The following NEMF variants were observed in gnomAD, a reference collection of about 807,000 sequenced individuals.
NEMF encodes ribosome quality control complex subunit NEMF.
A neutral mutation model predicts 162.2 loss-of-function variants in NEMF; 89 were observed. That is an observed-to-expected ratio of 0.55 (90% CI 0.46 to 0.65). The LOEUF (loss-of-function observed/expected upper bound fraction) is 0.65, where lower values mean the gene tolerates loss of function less well. Among genes scored for constraint, NEMF ranks in the 30% least tolerant of loss-of-function variants. NEMF has a pLI of 0.00. For missense variants in NEMF, 1,133 were observed against 1,261.9 expected (o/e 0.90, Z 1.55); for synonymous variants, 421 against 404.5 (o/e 1.04, Z -0.49).
At chr14:49,803,359 TGAG>T (rs1891040148) in intron 19 of NEMF, 65 bp from the exon 20 acceptor site, 1 of 1,173,164 alleles carries the variant, frequency 8.5e-7, no homozygotes, top group South Asian at 1.4e-5. Context: ...TTTTTCCACT[TGAG>T]GAGAAAGTAA....
chr14:49,813,482 T>C (rs143428066), intron 18 of NEMF, among the ~76,000 whole-genome samples: 17 of 152,324 alleles, frequency 1.1e-4, no homozygotes, highest in African/African-American at 4.1e-4. Flanking sequence ...ATTCTATCTA[T>C]GACTGAAAGT....
intron 25 of NEMF, among the ~76,000 whole-genome samples, chr14:49,796,501 G>A (rs1296840046): frequency 2.0e-5 from 3 of 151,428 alleles, no homozygotes; most frequent in Non-Finnish European, 4.4e-5. Flanking sequence ...CGGAGTTTGT[G>A]CCACCACACC....
rs1488530029 is a variant in NEMF, at chr14:49,840,710, C to T, written c.506+8G>A. ...ATACGAAATGGGTTTAAAAACAAAA[C>T]ACTTTACCTTTCCAAAGTAAGCAAA... On this transcript the variant is annotated splice_region_variant and intron_variant, in intron 5 of 32. Coordinates refer to ENST00000298310, the MANE Select transcript of NEMF (RefSeq NM_004713.6). The T allele has an allele frequency of 6.2e-7, 1 of 1,608,442 alleles. No individual in the cohort carries two copies.
chr14:49,841,896 C>T (rs564652852), intron 4 of NEMF, among the ~76,000 whole-genome samples: 2 of 151,848 alleles, frequency 1.3e-5, no homozygotes, highest in East Asian at 3.9e-4. Flanking sequence ...ACCTGAGGTC[C>T]GGAGTTCAAG....
chr14:49,809,173 T>C (rs554214266), intron 18 of NEMF, among the ~76,000 whole-genome samples: 2 of 152,312 alleles, frequency 1.3e-5, no homozygotes, highest in South Asian at 4.1e-4. Flanking sequence ...ATATTGATGT[T>C]TGGTATTTAC....
Position 49,784,898 on chromosome 14 carries a change from C to T in NEMF, c.3153+27G>A, listed in dbSNP as rs541068349. 1.1e-5 allele frequency: 17 copies of T among 1,585,364 alleles called. No homozygotes were observed. The South Asian group carries it at 1.9e-4, about 18-fold the overall frequency. ...TTTTAAATTGTACTGTCAGTCTCCA[C>T]ATTCCTTTTCTGAAGGAGAACTTTA... On this transcript the variant is annotated intron_variant, in intron 32 of 32. Transcript: ENST00000298310.
Position 49,782,273 on chromosome 14 carries a change from AAGAT to A in NEMF, c.*2359_*2362del. On this transcript the variant is annotated 3_prime_UTR_variant, in exon 33 of 33. Transcript: ENST00000298310. ...ATGATGTTTTGGTCTGAACTACCTT[AAGAT>A]CGCTAGTCTTTATTTCATAGCTCTA... The A allele has an allele frequency of 1.3e-6, 1 of 748,962 alleles. No homozygotes were observed. Among genetic ancestry groups the A allele is most frequent in the Non-Finnish European group, 2.2e-6 (1 of 449,686 alleles). 46.4% of individuals were successfully genotyped at this position (748,962 alleles called of 1,614,324 possible).
At chr14:49,836,930 A>G (rs982914924) in intron 6 of NEMF, among the ~76,000 whole-genome samples, 2 of 152,216 alleles carry the variant, frequency 1.3e-5, no homozygotes, top group African/African-American at 4.8e-5. Flanking sequence ...GCTGTCACAT[A>G]AGGTCAGTGT....
chr14:49,834,074 G>A (rs1892775548), intron 7 of NEMF: 1 of 476,958 alleles, frequency 2.1e-6, no homozygotes, highest in Non-Finnish European at 4.0e-6. Flanking sequence ...TTTTTTTTTT[G>A]AGAGTGGTGA....
At chr14:49,791,782 C>T (rs1890465302) in intron 26 of NEMF, among the ~76,000 whole-genome samples, 1 of 150,522 alleles carries the variant, frequency 6.6e-6, no homozygotes, top group Admixed American at 6.6e-5. Context: ...AAGATTTGTG[C>T]ATTTTACTAC....
At chr14:49,840,519 G>A (rs1333177186) in intron 5 of NEMF, among the ~76,000 whole-genome samples, 199 bp downstream of exon 5, 1 of 150,658 alleles carries the variant, frequency 6.6e-6, no homozygotes, top group Non-Finnish European at 1.5e-5. Context: ...AGACTTAATT[G>A]CTTACATGCA....
chr14:49,797,414 G>A (rs1890739807), intron 25 of NEMF: 1 of 151,428 alleles, frequency 6.6e-6, no homozygotes, highest in African/African-American at 2.4e-5. Context: ...GGTGGATCGC[G>A]AGGTCAGAAG....
chr14:49,785,084 T>A lies in NEMF; in HGVS notation c.3073+8A>T. 1 of 1,606,826 alleles carries A rather than the reference T, an allele frequency of 6.2e-7. No individual in the cohort carries two copies. The highest frequency in any genetic ancestry group is 2.2e-5 in the East Asian group (1 of 44,818). On this transcript the variant is annotated splice_region_variant and intron_variant, in intron 31 of 32. Transcript: ENST00000298310. ...AAAATCATAATTCAAAAAAACAAATTTAAATACCTTTTCCCTTTTTCTGCA... is the reference window on the plus strand; with the variant it reads ...AAAATCATAATTCAAAAAAACAAATATAAATACCTTTTCCCTTTTTCTGCA...
chr14:49,799,486 G>A lies in NEMF; in HGVS notation c.2454C>T (p.Ala818=), dbSNP rs149686149. The A allele has an allele frequency of 4.2e-5, 68 of 1,608,908 alleles. No homozygotes were observed. In the Middle Eastern group the frequency reaches 6.7e-4, roughly 16 times the overall value. Residue 818 remains alanine (A), a synonymous_variant, in exon 25 of 33, where the codon GCC becomes GCT. Coordinates refer to ENST00000298310, the MANE Select transcript of NEMF (RefSeq NM_004713.6). The part of the protein sequence containing the change: ...SKSQSRRHLS[A]KERREMKKKK... The stretch of plus-strand genomic sequence containing the variant: ...ACAGATGTGTTTACCTTCTTTCCTT[G>A]GCTGACAAATGTCTCCGGCTCTGTG...
intron 5 of NEMF, chr14:49,839,453 G>A (rs1341276440): frequency 6.6e-6 from 1 of 152,210 alleles, no homozygotes; most frequent in African/African-American, 2.4e-5. Flanking sequence ...AAGAAATGAT[G>A]TATGTTAAAC....
At chr14:49,785,743 C>A in intron 29 of NEMF, 1 of 180,412 alleles carries the variant, frequency 5.5e-6, no homozygotes, top group East Asian at 1.4e-4. Context: ...TAAAAGTTAG[C>A]TGGGTATAGT....
chr14:49,821,657 G>A (rs1451588429), intron 16 of NEMF, among the ~76,000 whole-genome samples: 20 of 119,352 alleles, frequency 1.7e-4, no homozygotes, highest in Admixed American at 2.4e-4. Context: ...CCCCCCGCCC[G>A]GCCAGCCGCC....
intron 4 of NEMF, among the ~76,000 whole-genome samples, chr14:49,845,360 C>T (rs777588887): frequency 8.6e-5 from 13 of 151,918 alleles, no homozygotes; most frequent in African/African-American, 2.2e-4. Flanking sequence ...CCGCCCTCCT[C>T]GGCCTCCCAA....
At chr14:49,834,125 C>T in intron 7 of NEMF, 1 of 584,522 alleles carries the variant, frequency 1.7e-6, no homozygotes, top group Non-Finnish European at 3.2e-6. Flanking sequence ...GGGTCTCACT[C>T]TGTTGCTCAG....
Sources: gnomAD v4.1 joint callset for allele counts (sites outside exome capture counted in the v4.1 genomes callset) on GRCh38, gnomAD v4.1.1 for gene constraint, MANE v1.5 for transcripts, NCBI Gene and HGNC (gene_info 2026-07-23, HGNC 2026-07-21) for gene names.